The following SP1 variants were observed in gnomAD, a reference collection of about 807,000 sequenced individuals.
The protein encoded by SP1 is transcription factor Sp1.
A neutral mutation model predicts 66.3 loss-of-function variants in SP1; 6 were observed. The observed-to-expected ratio is 0.09, with a 90% CI of 0.05 to 0.18. The LOEUF (loss-of-function observed/expected upper bound fraction) is 0.18. SP1 is among the 10% of genes least tolerant of loss of function. The probability of loss-of-function intolerance (pLI) is 1.00; values close to 1 mark genes in which losing one functional copy is unlikely to be tolerated. For synonymous variants in SP1, 417 were observed against 360.8 expected (o/e 1.16, Z -1.77); for missense variants, 848 against 964.5 (o/e 0.88, Z 1.60).
At position 53,413,549 on chromosome 12, in the gene SP1, G is replaced by A. The variant is rs1938938351; in HGVS notation, c.*2309G>A. 6.6e-6 allele frequency: 1 copy of A among 152,522 alleles called. No homozygotes were observed. Among genetic ancestry groups the A allele is most frequent in the Admixed American group, 6.6e-5 (1 of 15,258 alleles). The allele number at this position is 152,522 out of a possible 1,614,324, so 9.4% of individuals were successfully genotyped here. On this transcript the variant is annotated 3_prime_UTR_variant, in exon 6 of 6. Coordinates refer to ENST00000327443, the MANE Select transcript of SP1 (RefSeq NM_138473.3). ...TTATGTTTTCAACTCAGGAACTATG[G>A]CAAGGAACTTTCCCCAGATCAAATT...
At chr12:53,393,649 G>A (rs1938406320) in intron 3 of SP1, among the ~76,000 whole-genome samples, 4 of 149,448 alleles carry the variant, frequency 2.7e-5, no homozygotes, top group Middle Eastern at 3.5e-3. Context: ...CCAGGCTGGA[G>A]TGCAATGGTG....
In SP1 at chr12:53,397,466, T is replaced by G. The variant is rs1474544069; in HGVS notation, c.1676-9119T>G. On this transcript the variant is annotated intron_variant, in intron 3 of 5. Transcript: ENST00000327443. ...ACACTATATAGGATAATATAGTAAT[T>G]TTTTTTTTTTTTTTTTGAGATGGAG... Among the ~76,000 whole-genome samples the G allele has an allele frequency of 3.4e-4, 26 of 76,994 alleles. No homozygotes were observed. In the African/African-American group the frequency reaches 3.8e-3, roughly 11 times the overall value. 50.5% of individuals were successfully genotyped at this position (76,994 alleles called of 152,430 possible). A position where few individuals can be genotyped will look rare whatever the true frequency, so the allele number is the denominator to read the frequency against.
intron 5 of SP1, among the ~76,000 whole-genome samples, chr12:53,410,095 T>C (rs1222291446): frequency 6.6e-6 from 1 of 151,666 alleles, no homozygotes; most frequent in African/African-American, 2.4e-5. Flanking sequence ...TTTCTTGAGG[T>C]CAGGAGTTCA....
At chr12:53,398,472 A>G (rs112250344) in intron 3 of SP1, among the ~76,000 whole-genome samples, 1 of 152,256 alleles carries the variant, frequency 6.6e-6, no homozygotes, top group Admixed American at 6.5e-5. Flanking sequence ...TAGTAGAGAC[A>G]GGGTTTCACC....
intron 1 of SP1, chr12:53,380,536 C>G (rs537575930): frequency 1.6e-6 from 1 of 622,104 alleles, no homozygotes; most frequent in African/African-American, 2.0e-5. Context: ...TCGCCCGCCC[C>G]CTGCCCGCCC....
intron 3 of SP1, among the ~76,000 whole-genome samples, chr12:53,389,664 A>G (rs190299584): frequency 2.0e-5 from 3 of 150,710 alleles, no homozygotes; most frequent in Non-Finnish European, 3.0e-5. Context: ...TTTTCCTTTC[A>G]TTTTGTAGTC....
At chr12:53,407,318 GAAA>G (rs754868373) in intron 4 of SP1, among the ~76,000 whole-genome samples, 4 of 143,228 alleles carry the variant, frequency 2.8e-5, no homozygotes, top group African/African-American at 1.0e-4. Context: ...AAGAGAAAAT[GAAA>G]AAAAAAAAAA....
intron 3 of SP1, among the ~76,000 whole-genome samples, chr12:53,396,269 C>T (rs557989728): frequency 6.3e-4 from 82 of 130,766 alleles, no homozygotes; most frequent in Non-Finnish European, 9.8e-4. Context: ...TGACAGACTC[C>T]GTCTCAAAAA....
At chr12:53,391,632 G>A (rs191979042) in intron 3 of SP1, among the ~76,000 whole-genome samples, 78 of 151,734 alleles carry the variant, frequency 5.1e-4, no homozygotes, top group South Asian at 1.7e-3. Flanking sequence ...CTTTTTTTAA[G>A]TAATTTCAAC....
chr12:53,398,015 A>C (rs917293366), intron 3 of SP1, among the ~76,000 whole-genome samples: 2 of 151,946 alleles, frequency 1.3e-5, no homozygotes, highest in Non-Finnish European at 2.9e-5. Flanking sequence ...GAACTTCCTT[A>C]CTTTAATCTT....
chr12:53,412,588 T>C lies in SP1; in HGVS notation c.*1348T>C, dbSNP rs1409478685. ...GCTAGTGGCAAGACAGTGGTTCTTA[T>C]GATGTTTTCCCTTAACTTTTCCTTG... On this transcript the variant is annotated 3_prime_UTR_variant, in exon 6 of 6. Coordinates refer to ENST00000327443, the MANE Select transcript of SP1 (RefSeq NM_138473.3). 3 of 152,676 alleles carry C rather than the reference T, an allele frequency of 2.0e-5. No individual in the cohort carries two copies. The highest frequency in any genetic ancestry group is 4.4e-5 in the Non-Finnish European group (3 of 68,048). The allele number at this position is 152,676 out of a possible 1,614,324, so 9.5% of individuals were successfully genotyped here. A position where few individuals can be genotyped will look rare whatever the true frequency, so the allele number is the denominator to read the frequency against.
chr12:53,405,519 AG>A (rs1428585290), intron 3 of SP1, among the ~76,000 whole-genome samples: 2 of 152,014 alleles, frequency 1.3e-5, no homozygotes, highest in African/African-American at 4.8e-5. Context: ...AATACAAAAA[AG>A]TTAGCCAGTC....
At chr12:53,395,776 G>A (rs914052057) in intron 3 of SP1, among the ~76,000 whole-genome samples, 28 of 150,628 alleles carry the variant, frequency 1.9e-4, no homozygotes, top group Non-Finnish European at 2.8e-4. Flanking sequence ...GACCATCCTG[G>A]CTAACATGGT....
Position 53,411,784 on chromosome 12 carries a change from G to A in SP1, c.*544G>A, listed in dbSNP as rs1392936198. 6.6e-6 allele frequency: 1 copy of A among 152,236 alleles called. No individual in the cohort carries two copies. Among genetic ancestry groups the A allele is most frequent in the Non-Finnish European group, 1.5e-5 (1 of 67,980 alleles). 9.4% of individuals were successfully genotyped at this position (152,236 alleles called of 1,614,324 possible). A position where few individuals can be genotyped will look rare whatever the true frequency, so the allele number is the denominator to read the frequency against. ...TATATTGCCTTATTTCCCTATGGCT[G>A]AGCCTTGTTGTGACACATCAAGCTT... is the stretch of plus-strand genomic sequence containing the variant. On this transcript the variant is annotated 3_prime_UTR_variant, in exon 6 of 6. Transcript: ENST00000327443.
At chr12:53,402,349 A>G (rs1280364597) in intron 3 of SP1, among the ~76,000 whole-genome samples, 2 of 151,546 alleles carry the variant, frequency 1.3e-5, no homozygotes, top group Non-Finnish European at 2.9e-5. Context: ...TCAGCCTCCC[A>G]AGTAGCTGGG....
chr12:53,388,890 G>A (rs1390580659), intron 3 of SP1, among the ~76,000 whole-genome samples: 2 of 151,762 alleles, frequency 1.3e-5, no homozygotes, highest in Admixed American at 6.6e-5. Context: ...TGAGGTGGGA[G>A]GATTGCCTGA....
At chr12:53,386,282 T>C (rs1241155138) in intron 3 of SP1, among the ~76,000 whole-genome samples, 1 of 151,974 alleles carries the variant, frequency 6.6e-6, no homozygotes, top group Non-Finnish European at 1.5e-5. Flanking sequence ...GTGGGGTAAG[T>C]TGGGGTCTGG....
At chr12:53,407,663 G>A (rs966921949) in intron 4 of SP1, among the ~76,000 whole-genome samples, 4 of 150,918 alleles carry the variant, frequency 2.7e-5, no homozygotes, top group Admixed American at 1.3e-4. Flanking sequence ...TTGAGATGGA[G>A]TCTTGCTCTG....
chr12:53,398,159 G>T (rs1351171062), intron 3 of SP1, among the ~76,000 whole-genome samples: 4 of 152,200 alleles, frequency 2.6e-5, no homozygotes, highest in Admixed American at 2.6e-4. Context: ...TAGATTTATA[G>T]ATATACAAAT....
Sources: allele counts gnomAD v4.1 joint callset (sites outside exome capture counted in the v4.1 genomes callset), GRCh38; gene constraint gnomAD v4.1.1; transcripts MANE v1.5; gene names NCBI Gene and HGNC (gene_info 2026-07-23, HGNC 2026-07-21).